The following EPB41L4B variants were observed in gnomAD, a reference collection of about 807,000 sequenced individuals.
The protein encoded by EPB41L4B is erythrocyte membrane protein band 4.1 like 4B, also known as band 4.1-like protein 4B.
In EPB41L4B, 30 loss-of-function variants were observed where a neutral mutation model predicts 112.5. The ratio of observed to expected loss-of-function variants is 0.27; its 90% CI spans 0.20 to 0.36. EPB41L4B has a LOEUF of 0.36. Ranked by LOEUF, EPB41L4B falls within the 10% of genes least tolerant of loss-of-function variation. EPB41L4B has a pLI of 1.00. For missense variants in EPB41L4B, 1,024 were observed against 1,133.3 expected (o/e 0.90, Z 1.38); for synonymous variants, 408 against 439.7 (o/e 0.93, Z 0.90).
At chr9:109,304,747 A>G (rs953805687) in intron 1 of EPB41L4B, among the ~76,000 whole-genome samples, 2 of 152,220 alleles carry the variant, frequency 1.3e-5, no homozygotes, top group Non-Finnish European at 2.9e-5. Flanking sequence ...TGGTCAATCC[A>G]CTTTGAAAAC....
chr9:109,175,279 T>A (rs1831779595), intron 25 of EPB41L4B, among the ~76,000 whole-genome samples: 1 of 152,104 alleles, frequency 6.6e-6, no homozygotes, highest in Non-Finnish European at 1.5e-5. Flanking sequence ...ATGCTTTAAA[T>A]TGGTTTCATG....
intron 1 of EPB41L4B, among the ~76,000 whole-genome samples, chr9:109,296,379 T>C (rs1836729415): frequency 6.6e-6 from 1 of 152,228 alleles, no homozygotes; most frequent in Non-Finnish European, 1.5e-5. Context: ...ACTGAAGACA[T>C]GGACTCGGGA....
At chr9:109,257,854 G>A (rs1835041936) in intron 7 of EPB41L4B, among the ~76,000 whole-genome samples, 1 of 152,172 alleles carries the variant, frequency 6.6e-6, no homozygotes, top group East Asian at 1.9e-4. Context: ...AATGAGCCAG[G>A]CATGGTGGTA....
At chr9:109,209,749 C>T (rs557161466) in intron 17 of EPB41L4B, among the ~76,000 whole-genome samples, 64 of 152,124 alleles carry the variant, frequency 4.2e-4, no homozygotes, top group Non-Finnish European at 7.6e-4. Flanking sequence ...GCATTTCATA[C>T]GCATGTCTCA....
intron 1 of EPB41L4B, among the ~76,000 whole-genome samples, chr9:109,308,433 C>T (rs537873455): frequency 1.3e-5 from 2 of 152,292 alleles, no homozygotes; most frequent in African/African-American, 4.8e-5. Flanking sequence ...AACGGCCTCA[C>T]TTCTCCAACA....
chr9:109,304,321 T>C (rs1446421125), intron 1 of EPB41L4B, among the ~76,000 whole-genome samples: 2 of 152,194 alleles, frequency 1.3e-5, no homozygotes, highest in African/African-American at 4.8e-5. Flanking sequence ...ATACTAGATA[T>C]ACAATCCTAT....
chr9:109,273,223 A>G (rs1423852086), intron 2 of EPB41L4B, among the ~76,000 whole-genome samples: 1 of 151,526 alleles, frequency 6.6e-6, no homozygotes, highest in African/African-American at 2.4e-5. Flanking sequence ...CAGAGACAGG[A>G]TGAGGAGAGG....
At chr9:109,206,581 C>A (rs10979745) in intron 18 of EPB41L4B, among the ~76,000 whole-genome samples, 13,265 of 152,200 alleles carry the variant, frequency 0.087, 876 homozygotes, top group African/African-American at 0.18. Flanking sequence ...CACCTGAGTG[C>A]CAACTCTGAT....
intron 20 of EPB41L4B, 25 bp from the exon 21 acceptor site, chr9:109,194,422 G>T: frequency 6.2e-7 from 1 of 1,610,930 alleles, no homozygotes; most frequent in Non-Finnish European, 8.5e-7. Context: ...AGCACATGAA[G>T]CTCTGCTCAT....
intron 21 of EPB41L4B, 85 bp downstream of exon 21, chr9:109,194,135 T>G (rs1351324880): frequency 2.8e-6 from 4 of 1,441,096 alleles, no homozygotes; most frequent in African/African-American, 2.8e-5. Context: ...AAAATTTAAA[T>G]ACATGCACCA....
intron 1 of EPB41L4B, among the ~76,000 whole-genome samples, chr9:109,308,820 G>A (rs1837313026): frequency 6.6e-6 from 1 of 152,192 alleles, no homozygotes; most frequent in Admixed American, 6.5e-5. Flanking sequence ...ACTCATGCCT[G>A]TAATCTCAGC....
At chr9:109,283,900 A>C (rs2119151138) in intron 1 of EPB41L4B, among the ~76,000 whole-genome samples, 1 of 151,652 alleles carries the variant, frequency 6.6e-6, no homozygotes. Context: ...CAGCCTGGGC[A>C]ACATAGCAAG....
rs1832107827 is a variant in EPB41L4B at position 109,182,663 on chromosome 9, C to T, written c.2487+66G>A. Reference sequence around the variant, plus strand: ...CGGTTGACCTTGCTGTCTGGCATCCCGCAGAAAAGCACACCGCATGGGAAC... The same window carrying T: ...CGGTTGACCTTGCTGTCTGGCATCCTGCAGAAAAGCACACCGCATGGGAAC... On this transcript the variant is annotated intron_variant, in intron 24 of 25. Coordinates refer to ENST00000374566, the MANE Select transcript of EPB41L4B (RefSeq NM_019114.5). 7 of 1,220,940 alleles carry T rather than the reference C, an allele frequency of 5.7e-6. 1 individual carries two copies. The highest frequency in any genetic ancestry group is 3.8e-4 in the Middle Eastern group (2 of 5,290). The allele number at this position is 1,220,940 out of a possible 1,614,324, so 75.6% of individuals were successfully genotyped here.
At chr9:109,217,188 C>T (rs371242929) in intron 15 of EPB41L4B, 43 bp from the exon 16 acceptor site, 29 of 1,579,056 alleles carry the variant, frequency 1.8e-5, no homozygotes, top group Non-Finnish European at 2.4e-5. Context: ...AGCAGAATGC[C>T]TTGCAAGCCC....
chr9:109,318,140 G>A (rs985438083), intron 1 of EPB41L4B, among the ~76,000 whole-genome samples: 3 of 146,100 alleles, frequency 2.1e-5, no homozygotes, highest in Non-Finnish European at 4.5e-5. Flanking sequence ...CTGTGGACAG[G>A]GGGCATATAC....
rs1006098274 is a variant in EPB41L4B at position 109,195,365 on chromosome 9, G to A, written c.2046-968C>T. 5.9e-5 allele frequency among the ~76,000 whole-genome samples: 9 copies of A among 152,334 alleles called. No homozygotes were observed. In the South Asian group the frequency reaches 8.3e-4, roughly 14 times the overall value. On this transcript the variant is annotated intron_variant, in intron 20 of 25. Coordinates refer to ENST00000374566, the MANE Select transcript of EPB41L4B (RefSeq NM_019114.5). The stretch of plus-strand genomic sequence containing the variant: ...AGGCCGTGAGACAAAGCTGCAGTGC[G>A]GATGGGATTGACTGAGGGGTCCCTG...
chr9:109,302,493 T>C (rs923624846), intron 1 of EPB41L4B, among the ~76,000 whole-genome samples: 1 of 152,180 alleles, frequency 6.6e-6, no homozygotes, highest in Non-Finnish European at 1.5e-5. Context: ...GGGTTAGGAC[T>C]TCAACAGATG....
chr9:109,264,956 GA>G (rs774201422), intron 5 of EPB41L4B, 23 bp downstream of exon 5: 7 of 1,591,276 alleles, frequency 4.4e-6, no homozygotes, highest in Non-Finnish European at 6.0e-6. Context: ...CCTGGGTTAA[GA>G]GTTAGAACAA....
intron 21 of EPB41L4B, among the ~76,000 whole-genome samples, chr9:109,193,492 T>G (rs1832533905): frequency 6.6e-6 from 1 of 152,250 alleles, no homozygotes; most frequent in African/African-American, 2.4e-5. Context: ...GTGAGTGCTG[T>G]GGCTTATGAA....
Sources: gnomAD v4.1 joint callset for allele counts (sites outside exome capture counted in the v4.1 genomes callset) on GRCh38, gnomAD v4.1.1 for gene constraint, MANE v1.5 for transcripts, NCBI Gene and HGNC (gene_info 2026-07-23, HGNC 2026-07-21) for gene names.